Variants in TMEM47 observed in about 807,000 individuals in gnomAD.
The protein encoded by TMEM47 is brain cell membrane protein 1.
A neutral mutation model predicts 12.4 loss-of-function variants in TMEM47; 3 were observed. The ratio of observed to expected loss-of-function variants is 0.24; its 90% CI spans 0.11 to 0.63. The LOEUF (loss-of-function observed/expected upper bound fraction) is 0.63, where lower values mean the gene tolerates loss of function less well. TMEM47 is among the 20% of genes least tolerant of loss of function. TMEM47 has a pLI of 0.86. For missense variants in TMEM47, 89 were observed against 143.8 expected, an observed-to-expected ratio of 0.62 and a Z score of 1.95; for synonymous variants, 62 against 63.3, an observed-to-expected ratio of 0.98 and a Z score of 0.10.
At chrX:34,634,273 C>T (rs1921675841) in intron 2 of TMEM47, among the ~76,000 whole-genome samples, 1 of 111,763 alleles carries the variant, frequency 8.9e-6, no homozygotes, top group African/African-American at 3.2e-5. Flanking sequence ...TTTTTGAAAA[C>T]AGGCAATGAA....
intron 1 of TMEM47, among the ~76,000 whole-genome samples, chrX:34,653,902 C>T (rs1056585284): frequency 2.7e-5 from 3 of 110,550 alleles, no homozygotes; most frequent in Non-Finnish European, 5.7e-5. Flanking sequence ...GTCAATTAGC[C>T]GCTTTCTCAT....
rs757099755 is a variant in TMEM47, at chrX:34,639,333, A to G, written c.281T>C (p.Ile94Thr). ...AGAAATCAAACCCACCAGGAATGCA[A>G]TGAGAATGATGGCAGCGCCGCCCAG... Reference protein sequence around the residue: ...LLLGGAAIILIAFLVGLISIC... With the variant: ...LLLGGAAIILTAFLVGLISIC... Residue 94 changes from isoleucine (I) to threonine (T), a missense_variant, in exon 2 of 3, where the codon ATT (isoleucine) becomes ACT (threonine). Transcript: ENST00000275954. 3 of 1,208,436 alleles carry G rather than the reference A, an allele frequency of 2.5e-6. No homozygotes were observed. In the South Asian group the frequency reaches 5.3e-5, roughly 21 times the overall value.
At chrX:34,634,475 G>C (rs1198291692) in intron 2 of TMEM47, among the ~76,000 whole-genome samples, 1 of 91,561 alleles carries the variant, frequency 1.1e-5, no homozygotes. Flanking sequence ...AACATATATT[G>C]GGTGCCTACG....
rs985930263 is a variant in TMEM47 at position 34,639,407 on chromosome X, T to A, written c.227-20A>T. 1 of 1,194,796 alleles carries A rather than the reference T, an allele frequency of 8.4e-7. No individual in the cohort carries two copies. The highest frequency in any genetic ancestry group is 2.3e-5 in the Admixed American group (1 of 44,372). ...GCCAATCTGGAAAGAAAAAAGAAAT[T>A]GTTTTTGAGTAGTAAGTCCTCAAAG... is the stretch of plus-strand genomic sequence containing the variant. On this transcript the variant is annotated intron_variant, in intron 1 of 2. Coordinates refer to ENST00000275954, the MANE Select transcript of TMEM47 (RefSeq NM_031442.4).
intron 2 of TMEM47, 144 bp from the exon 3 acceptor site, chrX:34,630,635 G>A (rs1921600038): frequency 2.6e-5 from 11 of 426,043 alleles, no homozygotes; most frequent in East Asian, 8.5e-5. Flanking sequence ...TGTTCTAGAT[G>A]GTATACTTTA....
chrX:34,649,750 G>T (rs1397311874), intron 1 of TMEM47, among the ~76,000 whole-genome samples: 1 of 111,708 alleles, frequency 9.0e-6, no homozygotes, highest in East Asian at 2.8e-4. Context: ...TTTTGATACG[G>T]AGTCTTGCCC....
At position 34,627,199 on chromosome X, in the gene TMEM47, T is replaced by C. The variant is rs778436613; in HGVS notation, c.*3114A>G. On this transcript the variant is annotated 3_prime_UTR_variant, in exon 3 of 3. Coordinates refer to ENST00000275954, the MANE Select transcript of TMEM47 (RefSeq NM_031442.4). ...CAAAATCACTGGAGTGATAAACAGG[T>C]TTTCCCCCAGATGACTTAAAAAAAA... The C allele has an allele frequency of 9.0e-6, 1 of 111,167 alleles. No homozygotes were observed. Among genetic ancestry groups the C allele is most frequent in the East Asian group, 2.8e-4 (1 of 3,538 alleles). The allele number at this position is 111,167 out of a possible 1,213,427, so 9.2% of individuals were successfully genotyped here. A position where few individuals can be genotyped will look rare whatever the true frequency, so the allele number is the denominator to read the frequency against.
intron 1 of TMEM47, among the ~76,000 whole-genome samples, chrX:34,645,625 T>C (rs1921897443): frequency 8.9e-6 from 1 of 111,914 alleles, no homozygotes; most frequent in African/African-American, 3.2e-5. Context: ...CAATACTGCA[T>C]TAATTTTCCA....
chrX:34,636,365 TAAAG>T (rs1413239291), intron 2 of TMEM47, among the ~76,000 whole-genome samples: 1 of 111,687 alleles, frequency 9.0e-6, no homozygotes. Flanking sequence ...AGATATAACA[TAAAG>T]AATCATCCTT....
intron 2 of TMEM47, among the ~76,000 whole-genome samples, chrX:34,634,557 G>A (rs1161042228): frequency 8.9e-6 from 1 of 112,308 alleles, no homozygotes; most frequent in Non-Finnish European, 1.9e-5. Flanking sequence ...TGATGGTGGA[G>A]ACAGGCACAC....
Position 34,639,395 on chromosome X carries a change from GA to G in TMEM47, c.227-9del. The G allele has an allele frequency of 8.3e-7, 1 of 1,201,227 alleles. No individual in the cohort carries two copies. The highest frequency in any genetic ancestry group is 3.0e-5 in the East Asian group (1 of 33,400). ...GAGTAGCAATCTGCCAATCTGGAAA[GA>G]AAAAAGAAATTGTTTTTGAGTAGTA... On this transcript the variant is annotated splice_polypyrimidine_tract_variant and intron_variant, in intron 1 of 2. Transcript: ENST00000275954.
intron 1 of TMEM47, among the ~76,000 whole-genome samples, chrX:34,651,652 G>C (rs904246180): frequency 1.8e-5 from 2 of 112,057 alleles, no homozygotes; most frequent in African/African-American, 6.5e-5. Context: ...TTTACCACTA[G>C]TTAATTGAGA....
At chrX:34,646,380 A>C (rs183321252) in intron 1 of TMEM47, among the ~76,000 whole-genome samples, 1 of 111,931 alleles carries the variant, frequency 8.9e-6, no homozygotes, top group East Asian at 2.8e-4. Flanking sequence ...CCTTGCTGTT[A>C]AGGCAAGTTC....
chrX:34,646,375 C>G (rs1171853941), intron 1 of TMEM47, among the ~76,000 whole-genome samples: 1 of 111,650 alleles, frequency 9.0e-6, no homozygotes, highest in East Asian at 2.8e-4. Flanking sequence ...AAGAGCCTTG[C>G]TGTTAAGGCA....
chrX:34,633,384 C>T (rs992102910), intron 2 of TMEM47, among the ~76,000 whole-genome samples: 8 of 110,841 alleles, frequency 7.2e-5, no homozygotes, highest in Admixed American at 3.9e-4. Context: ...AGCATTCCCA[C>T]GTGAAAGGCA....
intron 1 of TMEM47, among the ~76,000 whole-genome samples, chrX:34,651,920 T>C (rs1293727592): frequency 8.9e-6 from 1 of 112,532 alleles, no homozygotes; most frequent in Admixed American, 9.4e-5. Context: ...GAGATTTTAC[T>C]ACTTAAAGGG....
rs201998794 is a variant in TMEM47 at position 34,637,328 on chromosome X, G to GA, written c.367+1918dup. Among the ~76,000 whole-genome samples the GA allele has an allele frequency of 2.4e-3, 243 of 103,182 alleles. 4 individuals are homozygous for GA. The East Asian group carries it at 0.045, about 19-fold the overall frequency. The allele number at this position is 103,182 out of a possible 115,157, so 89.6% of individuals were successfully genotyped here. On this transcript the variant is annotated intron_variant, in intron 2 of 2. Transcript: ENST00000275954. ...CCCGCCCTAAATAAAAGACCTCAGA[G>GA]AAAAAAAAAAGAAGACAAAATCTTT...
rs568666609 is a variant in TMEM47 at position 34,640,748 on chromosome X, T to C, written c.227-1361A>G. ...TAGGATAAACGATGAGCAGAGGAAT[T>C]GCCAATACCCTAAGATTTTCTTTTA... On this transcript the variant is annotated intron_variant, in intron 1 of 2. Coordinates refer to ENST00000275954, the MANE Select transcript of TMEM47 (RefSeq NM_031442.4). 6.3e-4 allele frequency among the ~76,000 whole-genome samples: 70 copies of C among 111,513 alleles called. No individual in the cohort carries two copies. In the South Asian group the frequency reaches 0.025, roughly 40 times the overall value.
In TMEM47 at chrX:34,657,233, C is replaced by A; in HGVS notation, c.-204G>T. 1.9e-6 allele frequency: 1 copy of A among 523,249 alleles called. No individual in the cohort carries two copies. Among genetic ancestry groups the A allele is most frequent in the Non-Finnish European group, 2.6e-6 (1 of 386,723 alleles). 43.1% of individuals were successfully genotyped at this position (523,249 alleles called of 1,213,427 possible). A position where few individuals can be genotyped will look rare whatever the true frequency, so the allele number is the denominator to read the frequency against. On this transcript the variant is annotated 5_prime_UTR_variant, in exon 1 of 3. Coordinates refer to ENST00000275954, the MANE Select transcript of TMEM47 (RefSeq NM_031442.4). ...GCCGGGTGTGGGTCGTCGGCAGCCGCAGCGACGTCGATTCCACCCCGGACC... is the reference window on the plus strand; with the variant it reads ...GCCGGGTGTGGGTCGTCGGCAGCCGAAGCGACGTCGATTCCACCCCGGACC...
Sources: allele counts gnomAD v4.1 joint callset (sites outside exome capture counted in the v4.1 genomes callset), GRCh38; gene constraint gnomAD v4.1.1; transcripts MANE v1.5; gene names NCBI Gene and HGNC (gene_info 2026-07-23, HGNC 2026-07-21).